The following MCTP2 variants were observed in gnomAD, a reference collection of about 807,000 sequenced individuals.
The protein encoded by MCTP2 is multiple C2 and transmembrane domain containing 2.
A neutral mutation model predicts 111.6 loss-of-function variants in MCTP2; 132 were observed. The ratio of observed to expected loss-of-function variants is 1.18; its 90% CI spans 1.03 to 1.37. The LOEUF is 1.37. Ranked by LOEUF, MCTP2 falls within the 40% of genes most tolerant of loss-of-function variation. The pLI, the probability that MCTP2 is intolerant of heterozygous loss-of-function variation, is 0.00. For missense variants in MCTP2, 1,183 were observed against 1,067.9 expected (o/e 1.11, Z -1.50); for synonymous variants, 395 against 387.7 (o/e 1.02, Z -0.22).
chr15:94,410,392 C>T (rs2082102307), intron 17 of MCTP2, among the ~76,000 whole-genome samples: 1 of 152,002 alleles, frequency 6.6e-6, no homozygotes, highest in South Asian at 2.1e-4. Flanking sequence ...CAGAGTTCTC[C>T]CTCAAGGCTA....
Position 94,370,156 on chromosome 15 carries a change from G to A in MCTP2, c.1558G>A (p.Asp520Asn). 2 of 1,613,064 alleles carry A rather than the reference G, an allele frequency of 1.2e-6. No individual in the cohort carries two copies. The highest frequency in any genetic ancestry group is 1.7e-6 in the Non-Finnish European group (2 of 1,179,506). Residue 520 changes from aspartate to asparagine, a missense_variant, in exon 12 of 23, where the codon GAT becomes AAT. By Grantham distance (23) the Asp-to-Asn change is conservative. Coordinates refer to ENST00000357742, the MANE Select transcript of MCTP2 (RefSeq NM_001385001.1). ...ACAAGTGAAGGTTTTAAAGGCAGCAGATCTCTTAGCGGCAGATTTCTCAGG... is the reference window on the plus strand; with the variant it reads ...ACAAGTGAAGGTTTTAAAGGCAGCAAATCTCTTAGCGGCAGATTTCTCAGG... ...ILQVKVLKAADLLAADFSGKS... is the reference protein window; with the variant it reads ...ILQVKVLKAANLLAADFSGKS...
intron 1 of MCTP2, among the ~76,000 whole-genome samples, chr15:94,260,764 A>G (rs1453507469): frequency 6.6e-6 from 1 of 152,144 alleles, no homozygotes; most frequent in Non-Finnish European, 1.5e-5. Context: ...AACCATCTGA[A>G]TGAACCCCTC....
At chr15:94,438,908 A>G (rs536725275) in intron 17 of MCTP2, among the ~76,000 whole-genome samples, 8 of 152,236 alleles carry the variant, frequency 5.3e-5, no homozygotes, top group East Asian at 3.9e-4. Context: ...CAGTTTAACA[A>G]TTTTTTGTAG....
chr15:94,476,552 C>G (rs548440342), intron 21 of MCTP2, 144 bp from the exon 22 acceptor site: 2 of 535,288 alleles, frequency 3.7e-6, no homozygotes, highest in Non-Finnish European at 6.6e-6. Flanking sequence ...CCCTCTCCCC[C>G]GAGTCAGGCG....
intron 1 of MCTP2, among the ~76,000 whole-genome samples, chr15:94,245,206 TTATACATATGTGTATA>T (rs2071735280): frequency 7.3e-6 from 1 of 136,466 alleles, no homozygotes; most frequent in African/African-American, 2.5e-5. Context: ...ATGTATATAT[TTATACATATGTGTATA>T]TATACATATG....
At chr15:94,470,516 T>A in intron 21 of MCTP2, 74 bp downstream of exon 21, 2 of 1,046,084 alleles carry the variant, frequency 1.9e-6, no homozygotes, top group Non-Finnish European at 3.0e-6. Flanking sequence ...AAAGTGCGAC[T>A]ATTAATTTTA....
chr15:94,479,149 A>C lies in MCTP2; in HGVS notation c.*115A>C. On this transcript the variant is annotated 3_prime_UTR_variant, in exon 23 of 23. Coordinates refer to ENST00000357742, the MANE Select transcript of MCTP2 (RefSeq NM_001385001.1). ...CCTTCTGAAATGCATGCCCTGTGGCACCCTCTGTATACTTCCTCCTCCTTC... is the reference window on the plus strand; with the variant it reads ...CCTTCTGAAATGCATGCCCTGTGGCCCCCTCTGTATACTTCCTCCTCCTTC... 1 of 969,244 alleles carries C rather than the reference A, an allele frequency of 1.0e-6. No individual in the cohort carries two copies. Among genetic ancestry groups the C allele is most frequent in the Non-Finnish European group, 1.7e-6 (1 of 605,176 alleles). 60.0% of individuals were successfully genotyped at this position (969,244 alleles called of 1,614,324 possible). A position where few individuals can be genotyped will look rare whatever the true frequency, so the allele number is the denominator to read the frequency against.
intron 14 of MCTP2, among the ~76,000 whole-genome samples, chr15:94,387,169 C>G (rs1472959163): frequency 1.3e-5 from 2 of 151,776 alleles, no homozygotes; most frequent in Non-Finnish European, 2.9e-5. Flanking sequence ...TCCTCCCTCT[C>G]TCCTTCCTTC....
At chr15:94,400,035 C>T in intron 16 of MCTP2, 40 bp downstream of exon 16, 1 of 1,533,058 alleles carries the variant, frequency 6.5e-7, no homozygotes, top group Non-Finnish European at 9.0e-7. Context: ...TTGGTACACT[C>T]AGCACCCAGC....
At position 94,315,157 on chromosome 15, in the gene MCTP2, G is replaced by A. The variant is rs528941942; in HGVS notation, c.529-372G>A. On this transcript the variant is annotated intron_variant, in intron 3 of 22. Coordinates refer to ENST00000357742, the MANE Select transcript of MCTP2 (RefSeq NM_001385001.1). Reference sequence around the variant, plus strand: ...GAAGCGGGGACACATGTTCTTGGGAGCCAGGCCTGCAGCTGCACTTCTTCC... The same window carrying A: ...GAAGCGGGGACACATGTTCTTGGGAACCAGGCCTGCAGCTGCACTTCTTCC... Among the ~76,000 whole-genome samples the A allele has an allele frequency of 6.6e-5, 10 of 152,278 alleles. No homozygotes were observed. In the South Asian group the frequency reaches 1.9e-3, roughly 28 times the overall value.
At chr15:94,269,221 T>G (rs1283001526) in intron 1 of MCTP2, among the ~76,000 whole-genome samples, 4 of 152,354 alleles carry the variant, frequency 2.6e-5, no homozygotes, top group African/African-American at 9.6e-5. Context: ...TCTGTTCAAG[T>G]TCACTTTTAA....
chr15:94,408,708 T>C (rs890745468), intron 17 of MCTP2, among the ~76,000 whole-genome samples: 8 of 152,248 alleles, frequency 5.3e-5, no homozygotes, highest in African/African-American at 1.9e-4. Flanking sequence ...TTTTCATGTT[T>C]ATATTTTCAA....
intron 12 of MCTP2, among the ~76,000 whole-genome samples, chr15:94,371,088 A>G (rs2079459326): frequency 6.6e-6 from 1 of 151,968 alleles, no homozygotes; most frequent in Non-Finnish European, 1.5e-5. Context: ...TTTTCAGCGC[A>G]TTATATTACA....
At chr15:94,341,867 T>G (rs141015978) in intron 7 of MCTP2, 115 of 152,344 alleles carry the variant, frequency 7.5e-4, no homozygotes, top group African/African-American at 2.5e-3. Context: ...AGAGATATTT[T>G]AATGTTAAAA....
Position 94,381,463 on chromosome 15 carries a change from G to A in MCTP2, c.1583-2559G>A, listed in dbSNP as rs78276618. On this transcript the variant is annotated intron_variant, in intron 12 of 22. Coordinates refer to ENST00000357742, the MANE Select transcript of MCTP2 (RefSeq NM_001385001.1). ...CTGGAGGAAAGTCTGTTCCTCATTA[G>A]CTGGGACAGCTAAGAGCGTGCTTGC... Among the ~76,000 whole-genome samples the A allele has an allele frequency of 7.4e-3, 1,131 of 152,294 alleles. 14 individuals carry two copies. Among genetic ancestry groups the A allele is most frequent in the South Asian group, 0.061 (294 of 4,824 alleles).
chr15:94,352,896 G>C (rs2078384462), intron 8 of MCTP2, among the ~76,000 whole-genome samples: 1 of 152,224 alleles, frequency 6.6e-6, no homozygotes, highest in Non-Finnish European at 1.5e-5. Context: ...AACCTATCAA[G>C]TATGGAAGAG....
At chr15:94,247,672 G>T (rs562591781) in intron 1 of MCTP2, among the ~76,000 whole-genome samples, 1 of 152,264 alleles carries the variant, frequency 6.6e-6, no homozygotes, top group East Asian at 1.9e-4. Flanking sequence ...TAAGACTGAT[G>T]ATCATTACTA....
At chr15:94,459,708 A>G (rs779442213) in intron 20 of MCTP2, among the ~76,000 whole-genome samples, 1 of 152,216 alleles carries the variant, frequency 6.6e-6, no homozygotes, top group Non-Finnish European at 1.5e-5. Flanking sequence ...GGGCATCATA[A>G]TTCTTTATTC....
At chr15:94,326,510 G>A (rs935432006) in intron 4 of MCTP2, among the ~76,000 whole-genome samples, 8 of 151,948 alleles carry the variant, frequency 5.3e-5, no homozygotes, top group African/African-American at 1.9e-4. Flanking sequence ...TGACCTACTG[G>A]TGTGTGAAAG....
Sources: allele counts gnomAD v4.1 joint callset (sites outside exome capture counted in the v4.1 genomes callset), GRCh38; gene constraint gnomAD v4.1.1; transcripts MANE v1.5; gene names NCBI Gene and HGNC (gene_info 2026-07-23, HGNC 2026-07-21).